Variants in GPA33 observed in about 807,000 individuals in gnomAD.
The protein encoded by GPA33 is cell surface A33 antigen.
In GPA33, 27 loss-of-function variants were observed where a neutral mutation model predicts 35.6. The ratio of observed to expected loss-of-function variants is 0.76; its 90% CI spans 0.56 to 1.04. The LOEUF (loss-of-function observed/expected upper bound fraction) is 1.04. Among genes scored for constraint, GPA33 ranks in the 50% least tolerant of loss-of-function variants. GPA33 has a pLI of 0.00. For missense variants in GPA33, 428 were observed against 411.9 expected (o/e 1.04, Z -0.34); for synonymous variants, 176 against 164.0 (o/e 1.07, Z -0.56).
At chr1:167,063,113 A>G (rs1426121127) in intron 4 of GPA33, among the ~76,000 whole-genome samples, 1 of 152,202 alleles carries the variant, frequency 6.6e-6, no homozygotes, top group African/African-American at 2.4e-5. Context: ...GCCAGAACCT[A>G]TGAGGTAGGT....
chr1:167,080,261 T>C (rs1171811144), intron 1 of GPA33, among the ~76,000 whole-genome samples: 1 of 152,238 alleles, frequency 6.6e-6, no homozygotes, highest in Non-Finnish European at 1.5e-5. Flanking sequence ...GCTAATTTAC[T>C]GTAAGGTGTT....
rs1435904740 is a variant in GPA33, at chr1:167,076,454, TC to T, written c.44-2916del. Among the ~76,000 whole-genome samples the T allele has an allele frequency of 2.0e-5, 3 of 151,958 alleles. No homozygotes were observed. The East Asian group carries it at 5.8e-4, about 29-fold the overall frequency. ...AAGGAAAATGTCCTGCTGAAGACCGTCCCCCCGCCCAGCTGGGAAGACTCCA... is the reference window on the plus strand; with the variant it reads ...AAGGAAAATGTCCTGCTGAAGACCGTCCCCCGCCCAGCTGGGAAGACTCCA... On this transcript the variant is annotated intron_variant, in intron 1 of 6. Transcript: ENST00000367868.
chr1:167,077,907 A>G (rs1430228373), intron 1 of GPA33, among the ~76,000 whole-genome samples: 4 of 152,244 alleles, frequency 2.6e-5, no homozygotes, highest in African/African-American at 9.6e-5. Context: ...TACTGGTGAC[A>G]TAATTGAGGT....
chr1:167,056,866 T>G (rs1193548775), intron 4 of GPA33, among the ~76,000 whole-genome samples: 2,453 of 21,814 alleles, frequency 0.11, no homozygotes, highest in Middle Eastern at 0.28. Context: ...GGTGTGTGTG[T>G]GGTGTGTGGT....
chr1:167,059,485 C>T (rs184682654), intron 4 of GPA33, among the ~76,000 whole-genome samples: 2 of 152,134 alleles, frequency 1.3e-5, no homozygotes, highest in Admixed American at 1.3e-4. Flanking sequence ...TCCCCCCAAC[C>T]CCTACCCAAT....
chr1:167,073,410 C>T lies in GPA33; in HGVS notation c.173G>A (p.Trp58Ter). ...CGTATGAGTGAGGAGGAGCTTATCCCATTGAATAAGTCCCTCTCGACTGGA... is the reference window on the plus strand; with the variant it reads ...CGTATGAGTGAGGAGGAGCTTATCCTATTGAATAAGTCCCTCTCGACTGGA... ...STSSREGLIQ[W>*]DKLLLTHTER... The change falls in exon 2 of 7, where the codon TGG becomes TAG. Residue 58 changes from tryptophan to a stop codon, truncating the protein, a stop_gained. Transcript: ENST00000367868. LOFTEE classifies it high-confidence loss of function. The T allele has an allele frequency of 6.2e-7, 1 of 1,613,844 alleles. No individual in the cohort carries two copies. The highest frequency in any genetic ancestry group is 8.5e-7 in the Non-Finnish European group (1 of 1,179,740).
chr1:167,073,231 C>A (rs185072169), intron 2 of GPA33, among the ~76,000 whole-genome samples, 154 bp downstream of exon 2: 4 of 152,146 alleles, frequency 2.6e-5, no homozygotes, highest in Non-Finnish European at 5.9e-5. Context: ...CCTCCATGAG[C>A]CCAACATTCA....
chr1:167,063,597 G>A lies in GPA33; in HGVS notation c.556C>T (p.Pro186Ser), dbSNP rs758427123. 2.5e-6 allele frequency: 4 copies of A among 1,608,666 alleles called. No homozygotes were observed. The highest frequency in any genetic ancestry group is 3.4e-6 in the Non-Finnish European group (4 of 1,176,834). The change falls in exon 4 of 7, where the codon CCC becomes TCC. Residue 186 changes from proline to serine, a missense_variant. Transcript: ENST00000367868. Reference sequence around the variant, plus strand: ...GCCCCCTTACCTGGCTGGGCCAGGGGCTGCTCCTGATTCAGGATGTTGTAC... The same window carrying A: ...GCCCCCTTACCTGGCTGGGCCAGGGACTGCTCCTGATTCAGGATGTTGTAC... Reference protein sequence around the residue: ...KRYNILNQEQPLAQPASGQPV... With the variant: ...KRYNILNQEQSLAQPASGQPV...
intron 4 of GPA33, among the ~76,000 whole-genome samples, chr1:167,061,955 G>C (rs529019954): frequency 3.5e-4 from 53 of 152,032 alleles, no homozygotes; most frequent in African/African-American, 1.2e-3. Context: ...GTGTGCATCC[G>C]TCCGGCTGGG....
chr1:167,057,152 C>A (rs1003035206), intron 4 of GPA33, among the ~76,000 whole-genome samples: 3 of 151,538 alleles, frequency 2.0e-5, no homozygotes, highest in African/African-American at 7.3e-5. Flanking sequence ...CATTTAACTT[C>A]TTTGAGCTGT....
rs369226948 is a variant in GPA33 at position 167,068,987 on chromosome 1, C to T, written c.350G>A (p.Cys117Tyr). ...CAGGTCTGACATCAGCGAGACAGAA[C>T]ACTCGTAGGTGCCGTTGTCAGCCAT... The part of the protein sequence containing the change: ...LTMADNGTYE[C>Y]SVSLMSDLEG... Residue 117 changes from cysteine to tyrosine, a missense_variant, in exon 3 of 7, where the codon TGT (cysteine) becomes TAT (tyrosine). By Grantham distance (194) the Cys-to-Tyr change is radical. Coordinates refer to ENST00000367868, the MANE Select transcript of GPA33 (RefSeq NM_005814.3). 209 of 1,613,942 alleles carry T rather than the reference C, an allele frequency of 1.3e-4. No homozygotes were observed. The highest frequency in any genetic ancestry group is 3.0e-5 in the Non-Finnish European group (35 of 1,180,040).
chr1:167,063,116 A>G (rs1383612523), intron 4 of GPA33, among the ~76,000 whole-genome samples: 1 of 152,180 alleles, frequency 6.6e-6, no homozygotes, highest in Non-Finnish European at 1.5e-5. Flanking sequence ...AGAACCTATG[A>G]GGTAGGTATT....
intron 4 of GPA33, among the ~76,000 whole-genome samples, chr1:167,057,238 G>C (rs999555598): frequency 3.9e-5 from 6 of 152,064 alleles, no homozygotes; most frequent in African/African-American, 1.5e-4. Flanking sequence ...ATATCTCATG[G>C]AAGACCTTTC....
chr1:167,056,817 C>T (rs1558002172), intron 4 of GPA33, among the ~76,000 whole-genome samples: 23 of 1,440 alleles, frequency 0.016, no homozygotes, highest in South Asian at 0.05. Context: ...GTGTATGTGG[C>T]AGCGTTTGTA....
chr1:167,056,921 T>G (rs1438842318), intron 4 of GPA33, among the ~76,000 whole-genome samples: 15 of 139,498 alleles, frequency 1.1e-4, no homozygotes, highest in South Asian at 2.4e-4. Context: ...GTGTGTGTGG[T>G]GTGTACTGTG....
At chr1:167,077,834 C>T (rs1666854773) in intron 1 of GPA33, among the ~76,000 whole-genome samples, 1 of 152,194 alleles carries the variant, frequency 6.6e-6, no homozygotes, top group South Asian at 2.1e-4. Context: ...AGGTATTTTA[C>T]AGATATTCTC....
intron 1 of GPA33, among the ~76,000 whole-genome samples, chr1:167,086,495 G>A (rs999521437): frequency 1.3e-5 from 2 of 152,208 alleles, no homozygotes; most frequent in African/African-American, 2.4e-5. Context: ...ATAGGCCATC[G>A]TGATAGGGCA....
intron 5 of GPA33, 124 bp downstream of exon 5, chr1:167,055,606 C>T: frequency 9.6e-7 from 1 of 1,041,828 alleles, no homozygotes; most frequent in Non-Finnish European, 1.4e-6. Flanking sequence ...CACAGCTAAC[C>T]TGCAGGTGCG....
At position 167,089,135 on chromosome 1, in the gene GPA33, C is replaced by T. The variant is rs576982611; in HGVS notation, c.43+1110G>A. Among the ~76,000 whole-genome samples the T allele has an allele frequency of 1.1e-4, 16 of 152,308 alleles. No individual in the cohort carries two copies. The East Asian group carries it at 1.3e-3, about 13-fold the overall frequency. On this transcript the variant is annotated intron_variant, in intron 1 of 6. Transcript: ENST00000367868. The stretch of plus-strand genomic sequence containing the variant: ...ATCTTACCCAGATCTTCCTCCAAAC[C>T]GTGTGATCCAGCCCTTCCCCAGCAG...
Sources: allele counts gnomAD v4.1 joint callset (sites outside exome capture counted in the v4.1 genomes callset), GRCh38; gene constraint gnomAD v4.1.1; transcripts MANE v1.5; gene names NCBI Gene and HGNC (gene_info 2026-07-23, HGNC 2026-07-21).